Variants in SPG11 observed in about 807,000 individuals in gnomAD.
The protein encoded by SPG11 is SPG11 vesicle trafficking associated, spatacsin, also known as spatacsin.
Under a neutral mutation model 274.0 loss-of-function variants are expected in SPG11, and 222 were observed. The ratio of observed to expected loss-of-function variants is 0.81; its 90% confidence interval spans 0.73 to 0.91. SPG11 has a LOEUF of 0.91. Among genes scored for constraint, SPG11 ranks in the 40% least tolerant of loss-of-function variants. The pLI is 0.00. For synonymous variants in SPG11, 1,144 were observed against 1,039.7 expected, an observed-to-expected ratio of 1.10 and a Z score of -1.93; for missense variants, 3,114 against 2,872.7, an observed-to-expected ratio of 1.08 and a Z score of -1.92.
intron 7 of SPG11, among the ~76,000 whole-genome samples, chr15:44,646,869 A>G (rs2084626727): frequency 6.6e-6 from 1 of 152,170 alleles, no homozygotes; most frequent in African/African-American, 2.4e-5. Flanking sequence ...ACTGCCTATC[A>G]GGTACTATGC....
intron 21 of SPG11, 165 bp downstream of exon 21, chr15:44,600,302 T>G: frequency 1.5e-6 from 1 of 680,956 alleles, no homozygotes; most frequent in East Asian, 2.7e-5. Context: ...TTTTTTTGTT[T>G]TAGTGGCAGA....
intron 8 of SPG11, among the ~76,000 whole-genome samples, chr15:44,632,437 G>A (rs922210371): frequency 1.3e-5 from 2 of 151,988 alleles, no homozygotes; most frequent in South Asian, 4.1e-4. Flanking sequence ...TAAAAGTTAG[G>A]CTTCCTATTT....
At position 44,600,569 on chromosome 15, in the gene SPG11, T is replaced by C. The variant is rs775875753; in HGVS notation, c.3584A>G (p.Glu1195Gly). ...TAAATAATAAGCAAAATTCAGACGT[T>C]CCACTATAGCATATTTATTAACCAG... ...PDLVNKYAIV[E>G]RLNFAYYLHN... is the part of the protein sequence containing the mutation. Residue 1195 changes from glutamate to glycine, a missense_variant, in exon 21 of 40, where the codon GAA becomes GGA. Glu to Gly is a moderately conservative substitution (Grantham distance 98). Coordinates refer to ENST00000261866, the MANE Select transcript of SPG11 (RefSeq NM_025137.4). 78 of 1,614,050 alleles carry C rather than the reference T, an allele frequency of 4.8e-5. No homozygotes were observed. The highest frequency in any genetic ancestry group is 6.5e-5 in the Non-Finnish European group (77 of 1,180,034).
chr15:44,634,297 T>A (rs2084172342), intron 7 of SPG11, among the ~76,000 whole-genome samples: 1 of 152,126 alleles, frequency 6.6e-6, no homozygotes, highest in African/African-American at 2.4e-5. Context: ...CAGTACAATA[T>A]AAAGTCCTAC....
At chr15:44,565,033 A>G (rs754158725) in intron 38 of SPG11, among the ~76,000 whole-genome samples, 2 of 152,176 alleles carry the variant, frequency 1.3e-5, no homozygotes, top group Non-Finnish European at 2.9e-5. Context: ...CACCATGCCT[A>G]GCTTCTTTCA....
At chr15:44,629,483 A>G in intron 8 of SPG11, 95 bp from the exon 9 acceptor site, 1 of 1,364,026 alleles carries the variant, frequency 7.3e-7, no homozygotes, top group Non-Finnish European at 1.0e-6. Context: ...ATTTTTAAAC[A>G]TAAAACAAGG....
chr15:44,600,688 G>C, intron 20 of SPG11, 56 bp from the exon 21 acceptor site: 1 of 1,562,840 alleles, frequency 6.4e-7, no homozygotes, highest in Non-Finnish European at 8.8e-7. Flanking sequence ...ATTAATTTCA[G>C]ATTTGCACAT....
At chr15:44,629,486 A>T in intron 8 of SPG11, 98 bp from the exon 9 acceptor site, 9 of 1,337,102 alleles carry the variant, frequency 6.7e-6, no homozygotes, top group Non-Finnish European at 9.4e-6. Flanking sequence ...TTTAAACATA[A>T]AACAAGGACC....
intron 8 of SPG11, among the ~76,000 whole-genome samples, chr15:44,631,583 A>G (rs1186165749): frequency 6.6e-6 from 1 of 152,108 alleles, no homozygotes; most frequent in African/African-American, 2.4e-5. Flanking sequence ...AGTTGTTTCA[A>G]AGCTACTTTT....
intron 39 of SPG11, among the ~76,000 whole-genome samples, chr15:44,563,976 A>G (rs1401085446): frequency 6.6e-6 from 1 of 151,672 alleles, no homozygotes; most frequent in Non-Finnish European, 1.5e-5. Flanking sequence ...TCCAAAAGGC[A>G]CCTCTGATGT....
chr15:44,655,881 A>C (rs1334384855), intron 4 of SPG11, among the ~76,000 whole-genome samples: 1 of 152,230 alleles, frequency 6.6e-6, no homozygotes, highest in Non-Finnish European at 1.5e-5. Context: ...TAATAGGACA[A>C]TTACAACAAT....
chr15:44,587,718 A>AAC (rs1555449468), intron 28 of SPG11, among the ~76,000 whole-genome samples: 2 of 148,638 alleles, frequency 1.3e-5, no homozygotes, highest in Admixed American at 1.3e-4. Flanking sequence ...AAAAAAAAAA[A>AAC]AACGTATTCC....
intron 7 of SPG11, among the ~76,000 whole-genome samples, chr15:44,643,557 C>A (rs1372144671): frequency 6.6e-6 from 1 of 151,980 alleles, no homozygotes; most frequent in East Asian, 1.9e-4. Context: ...ATAAACCTAA[C>A]TGTAAGAGCT....
intron 18 of SPG11, among the ~76,000 whole-genome samples, chr15:44,609,561 G>C (rs1030357865): frequency 1.3e-5 from 2 of 152,076 alleles, no homozygotes; most frequent in African/African-American, 4.8e-5. Flanking sequence ...TTTGACCTAA[G>C]AGGGCAAATA....
chr15:44,566,181 G>A lies in SPG11; in HGVS notation c.6843+36C>T, dbSNP rs536640146. The A allele has an allele frequency of 3.1e-6, 5 of 1,609,958 alleles. No homozygotes were observed. In the East Asian group the frequency reaches 8.9e-5, roughly 29 times the overall value. On this transcript the variant is annotated intron_variant, in intron 37 of 39. Transcript: ENST00000261866. ...AAAATAATTTTACTGCAGACAGCAAGTCCCAAGGCCAGTCTGAAAAAAGCC... is the reference window on the plus strand; with the variant it reads ...AAAATAATTTTACTGCAGACAGCAAATCCCAAGGCCAGTCTGAAAAAAGCC...
rs1280593905 is a variant in SPG11 at position 44,648,966 on chromosome 15, A to G, written c.1502T>C (p.Phe501Ser). The G allele has an allele frequency of 1.2e-6, 2 of 1,614,052 alleles. No homozygotes were observed. Among genetic ancestry groups the G allele is most frequent in the East Asian group, 4.5e-5 (2 of 44,864 alleles). ...TCCATGGATCATGAGTCTGTTTAAA[A>G]ACTCTTCTTGAGTCAAACCAAACAA... Reference protein sequence around the residue: ...LILFGLTQEEFLNRLMIHGSA... With the variant: ...LILFGLTQEESLNRLMIHGSA... The change falls in exon 7 of 40, where the codon TTT (phenylalanine) becomes TCT (serine). Residue 501 changes from phenylalanine to serine, a missense_variant. Phe to Ser is a radical substitution (Grantham distance 155, BLOSUM62 -2). Coordinates refer to ENST00000261866, the MANE Select transcript of SPG11 (RefSeq NM_025137.4).
chr15:44,627,569 A>G lies in SPG11; in HGVS notation c.2068-1062T>C, dbSNP rs114462353. 8.9e-3 allele frequency among the ~76,000 whole-genome samples: 1,358 copies of G among 152,204 alleles called. 23 individuals are homozygous for G. The highest frequency in any genetic ancestry group is 0.03 in the African/African-American group (1,265 of 41,528). Reference sequence around the variant, plus strand: ...TGAAGGAGACAGGAAAAAGGAGACAAAAAAGTAGAAGGAAAAGTAAGTAAT... The same window carrying G: ...TGAAGGAGACAGGAAAAAGGAGACAGAAAAGTAGAAGGAAAAGTAAGTAAT... On this transcript the variant is annotated intron_variant, in intron 10 of 39. Transcript: ENST00000261866.
At chr15:44,573,951 C>T in intron 31 of SPG11, 4 of 606,636 alleles carry the variant, frequency 6.6e-6, no homozygotes, top group Non-Finnish European at 8.8e-6. Context: ...AAAAGAAAGG[C>T]TTGTATTCAG....
At chr15:44,592,235 C>T (rs376661715) in intron 27 of SPG11, 96 bp downstream of exon 27, 506 of 763,044 alleles carry the variant, frequency 6.6e-4, no homozygotes, top group Middle Eastern at 4.1e-3. Flanking sequence ...CCTGAGTAAC[C>T]GAGTGAGACA....
Sources: allele counts gnomAD v4.1 joint callset (sites outside exome capture counted in the v4.1 genomes callset), GRCh38; gene constraint gnomAD v4.1.1; transcripts MANE v1.5; gene names NCBI Gene and HGNC (gene_info 2026-07-23, HGNC 2026-07-21).